GATA4: variants seen among roughly 807,000 people sequenced by gnomAD.
The protein encoded by GATA4 is GATA binding protein 4.
GATA4 carries 7 observed loss-of-function variants against 37.9 expected under a neutral mutation model. The observed-to-expected ratio is 0.18, with a 90% confidence interval of 0.11 to 0.35. The LOEUF (loss-of-function observed/expected upper bound fraction) is 0.35. Among genes scored for constraint, GATA4 ranks in the 10% least tolerant of loss-of-function variants. GATA4 has a pLI of 1.00. For synonymous variants in GATA4, 372 were observed against 292.6 expected, an observed-to-expected ratio of 1.27 and a Z score of -2.77; for missense variants, 647 against 653.0, an observed-to-expected ratio of 0.99 and a Z score of 0.10.
chr8:11,709,448 C>A lies in GATA4; in HGVS notation c.616+520C>A, dbSNP rs1800062236. On this transcript the variant is annotated intron_variant, in intron 2 of 6. Transcript: ENST00000532059. This position sits in a 1 kb window ranked among gnomAD's most constrained non-coding sequence, Gnocchi z 4.3. ...CCCTCGGGGTAGCTGATGATTTTCCCGTCGGGGGTCTCACACCGAGAACAA... is the reference window on the plus strand; with the variant it reads ...CCCTCGGGGTAGCTGATGATTTTCCAGTCGGGGGTCTCACACCGAGAACAA... Among the ~76,000 whole-genome samples the A allele has an allele frequency of 6.6e-6, 1 of 152,084 alleles. No individual in the cohort carries two copies. The highest frequency in any genetic ancestry group is 1.5e-5 in the Non-Finnish European group (1 of 68,002).
chr8:11,695,366 T>A (rs12676469), intron 1 of GATA4, among the ~76,000 whole-genome samples: 38,547 of 151,814 alleles, frequency 0.25, 5,758 homozygotes, highest in East Asian at 0.73. Flanking sequence ...AGATCGCGCC[T>A]TTGCACTCCA....
chr8:11,739,311 C>T (rs372928567), intron 2 of GATA4, among the ~76,000 whole-genome samples: 15 of 152,308 alleles, frequency 9.8e-5, no homozygotes, highest in Admixed American at 4.6e-4. Context: ...TGTTTTTGTA[C>T]TCATTCCTCT....
chr8:11,700,364 G>A (rs780035776), upstream of GATA4: 12 of 152,278 alleles, frequency 7.9e-5, no homozygotes, highest in Non-Finnish European at 1.6e-4. Flanking sequence ...CGGCTGCAGA[G>A]CACGGTTCCG....
chr8:11,736,938 T>C (rs1006786091), intron 2 of GATA4, among the ~76,000 whole-genome samples: 2 of 152,204 alleles, frequency 1.3e-5, no homozygotes, highest in East Asian at 1.9e-4. Context: ...CTCCTGGCCC[T>C]GGTAATGTGG....
intron 2 of GATA4, among the ~76,000 whole-genome samples, chr8:11,719,006 G>C (rs1266862866): frequency 6.6e-6 from 1 of 152,212 alleles, no homozygotes; most frequent in East Asian, 1.9e-4. Context: ...TGCTTATCTA[G>C]AGGTTTTCCT....
In GATA4 at chr8:11,707,868, G is replaced by A; in HGVS notation, c.-445G>A. The A allele has an allele frequency of 4.0e-6, 1 of 247,750 alleles. No homozygotes were observed. Among genetic ancestry groups the A allele is most frequent in the South Asian group, 4.1e-5 (1 of 24,676 alleles). The allele number at this position is 247,750 out of a possible 1,614,324, so 15.3% of individuals were successfully genotyped here. On this transcript the variant is annotated 5_prime_UTR_variant, in exon 2 of 7. Coordinates refer to ENST00000532059, the MANE Select transcript of GATA4 (RefSeq NM_001308093.3). The surrounding 1 kb of genome is among the most constrained non-coding windows in gnomAD (Gnocchi z 4.7). ...GTTCCTCTTTTAGGACCCCGGCTGCGGCGAGGAGGAAGGAGCCAGCCTAGC... is the reference window on the plus strand; with the variant it reads ...GTTCCTCTTTTAGGACCCCGGCTGCAGCGAGGAGGAAGGAGCCAGCCTAGC...
intron 1 of GATA4, among the ~76,000 whole-genome samples, chr8:11,706,904 G>A (rs552067136): frequency 1.2e-4 from 19 of 152,246 alleles, no homozygotes; most frequent in South Asian, 6.2e-4. Flanking sequence ...CAGACAGCAG[G>A]TAATTCAAAA....
chr8:11,681,410 G>T, intron 1 of GATA4: 2 of 985,078 alleles, frequency 2.0e-6, no homozygotes, highest in Middle Eastern at 5.2e-4. Context: ...ATCACGCGTG[G>T]CTCAACTCGG....
chr8:11,742,176 G>C (rs76605420), intron 2 of GATA4, among the ~76,000 whole-genome samples: 3,408 of 152,250 alleles, frequency 0.022, 128 homozygotes, highest in African/African-American at 0.079. Flanking sequence ...CTGGGGCCCA[G>C]GGTGTCAGGG....
In GATA4 at chr8:11,758,406, C is replaced by T; in HGVS notation, c.1263C>T (p.Thr421=). 6.2e-7 allele frequency: 1 copy of T among 1,614,228 alleles called. No individual in the cohort carries two copies. Among genetic ancestry groups the T allele is most frequent in the Non-Finnish European group, 8.5e-7 (1 of 1,180,018 alleles). The change falls in exon 7 of 7, where the codon ACC becomes ACT. Residue 421 remains threonine (T), a synonymous_variant. Transcript: ENST00000532059. The part of the protein sequence containing the change: ...YASPVSQSPQ[T]SSKQDSWNSL... Reference sequence around the variant, plus strand: ...CTCCCGTCAGCCAGTCTCCACAGACCAGCTCCAAGCAGGACTCTTGGAACA... The same window carrying T: ...CTCCCGTCAGCCAGTCTCCACAGACTAGCTCCAAGCAGGACTCTTGGAACA...
chr8:11,740,477 G>C (rs1801676773), intron 2 of GATA4, among the ~76,000 whole-genome samples: 1 of 152,226 alleles, frequency 6.6e-6, no homozygotes, highest in Non-Finnish European at 1.5e-5. Context: ...TCGGGGTGGG[G>C]ACTGCTGGGC....
chr8:11,698,796 C>G (rs549730447), intron 1 of GATA4, among the ~76,000 whole-genome samples: 35 of 152,142 alleles, frequency 2.3e-4, no homozygotes, highest in Non-Finnish European at 4.4e-4. Flanking sequence ...GTCCCCAGGA[C>G]CTGGGGACCC....
At chr8:11,711,905 C>T (rs62489321) in intron 2 of GATA4, among the ~76,000 whole-genome samples, 2,865 of 152,138 alleles carry the variant, frequency 0.019, 56 homozygotes, top group African/African-American at 0.056. Context: ...GAGAACTGAC[C>T]CCAGCTTTCT....
At chr8:11,681,763 C>T (rs1252456047) in intron 1 of GATA4, among the ~76,000 whole-genome samples, 1 of 152,084 alleles carries the variant, frequency 6.6e-6, no homozygotes, top group Non-Finnish European at 1.5e-5. Flanking sequence ...TTGTTCTTTG[C>T]CCACAGCATT....
Position 11,708,289 on chromosome 8 carries a change from C to G in GATA4, c.-24C>G, listed in dbSNP as rs1272022817. 1.9e-6 allele frequency: 3 copies of G among 1,564,164 alleles called. No homozygotes were observed. The highest frequency in any genetic ancestry group is 2.6e-6 in the Non-Finnish European group (3 of 1,162,048). On this transcript the variant is annotated 5_prime_UTR_variant, in exon 2 of 7. Transcript: ENST00000532059. This position sits in a 1 kb window ranked among gnomAD's most constrained non-coding sequence, Gnocchi z 6.7. ...GACCTGCGAGGGAGAGAGAGGACAC[C>G]GAAGCCGGGAGCTCGCAGGGACCAT...
At chr8:11,743,141 G>A (rs1801841843) in intron 2 of GATA4, among the ~76,000 whole-genome samples, 1 of 152,222 alleles carries the variant, frequency 6.6e-6, no homozygotes, top group Admixed American at 6.5e-5. Flanking sequence ...GGAGGTGGTG[G>A]GCTGGGCACC....
chr8:11,733,136 G>T (rs964296673), intron 2 of GATA4, among the ~76,000 whole-genome samples: 2 of 152,080 alleles, frequency 1.3e-5, no homozygotes, highest in African/African-American at 4.8e-5. Flanking sequence ...TTACTGAAGG[G>T]CATAAAAGAA....
At chr8:11,753,888 C>T (rs1335656136) in intron 4 of GATA4, among the ~76,000 whole-genome samples, 1 of 152,190 alleles carries the variant, frequency 6.6e-6, no homozygotes, top group Non-Finnish European at 1.5e-5. Flanking sequence ...AGATTTGGCT[C>T]AGCCTAAGAG....
upstream of GATA4, among the ~76,000 whole-genome samples, chr8:11,689,677 A>T (rs990863514): frequency 2.0e-5 from 3 of 152,098 alleles, no homozygotes; most frequent in African/African-American, 7.2e-5. Flanking sequence ...CCTCATCCTC[A>T]AGCCCTCACC....
Sources: gnomAD v4.1 joint callset for allele counts (sites outside exome capture counted in the v4.1 genomes callset) on GRCh38, gnomAD v4.1.1 for gene constraint, Gnocchi (gnomAD v3.1) non-coding constraint, MANE v1.5 for transcripts, NCBI Gene and HGNC (gene_info 2026-07-23, HGNC 2026-07-21) for gene names.